Variants in CECR2 observed in about 807,000 individuals in gnomAD.
CECR2 encodes chromatin remodeling regulator CECR2.
CECR2 carries 30 observed loss-of-function variants against 154.5 expected under a neutral mutation model. The ratio of observed to expected loss-of-function variants is 0.19; its 90% CI spans 0.15 to 0.26. The LOEUF is 0.26. Among genes scored for constraint, CECR2 ranks in the 10% least tolerant of loss-of-function variants. The pLI is 1.00. For missense variants in CECR2, 1,743 were observed against 1,829.3 expected (o/e 0.95, Z 0.86); for synonymous variants, 725 against 683.7 (o/e 1.06, Z -0.94).
intron 16 of CECR2, among the ~76,000 whole-genome samples, chr22:17,544,243 A>T (rs2056575036): frequency 6.6e-6 from 1 of 152,274 alleles, no homozygotes; most frequent in East Asian, 1.9e-4. Context: ...TGACGCCTGT[A>T]ATCCCAGCAC....
intron 4 of CECR2, among the ~76,000 whole-genome samples, chr22:17,500,359 C>T (rs2055714706): frequency 6.6e-6 from 1 of 152,120 alleles, no homozygotes; most frequent in African/African-American, 2.4e-5. Flanking sequence ...CAAAACAATG[C>T]TAACCTCTTA....
At chr22:17,469,590 ATTGT>A (rs1301954851) in intron 1 of CECR2, among the ~76,000 whole-genome samples, 3 of 106,408 alleles carry the variant, frequency 2.8e-5, no homozygotes, top group African/African-American at 4.0e-5. Flanking sequence ...TGATGATAAC[ATTGT>A]TTTTTTTTTT....
chr22:17,551,982 G>T, intron 17 of CECR2, 49 bp from the exon 18 acceptor site: 1 of 1,566,230 alleles, frequency 6.4e-7, no homozygotes, highest in Non-Finnish European at 8.8e-7. Context: ...TTCTTCTGTC[G>T]TTAACACGTC....
At chr22:17,504,589 A>G (rs1052900867) in intron 6 of CECR2, among the ~76,000 whole-genome samples, 3 of 150,206 alleles carry the variant, frequency 2.0e-5, no homozygotes, top group African/African-American at 7.3e-5. Flanking sequence ...GGCGCCCGCC[A>G]CCGCGCCCGG....
chr22:17,468,026 A>G (rs2055063128), intron 1 of CECR2, among the ~76,000 whole-genome samples: 1 of 152,162 alleles, frequency 6.6e-6, no homozygotes, highest in Non-Finnish European at 1.5e-5. Flanking sequence ...GTAGAAGGAG[A>G]GGGCAGTCGT....
chr22:17,447,848 C>G (rs192637784), intron 1 of CECR2, among the ~76,000 whole-genome samples: 12 of 151,154 alleles, frequency 7.9e-5, no homozygotes, highest in Admixed American at 2.0e-4. Context: ...GATTAGTTCT[C>G]TAGCCATGGT....
At chr22:17,460,616 GTT>G (rs2054923158) in intron 1 of CECR2, among the ~76,000 whole-genome samples, 1 of 152,170 alleles carries the variant, frequency 6.6e-6, no homozygotes, top group Non-Finnish European at 1.5e-5. Context: ...TGCCCCATCA[GTT>G]TTCTCTTCCC....
chr22:17,512,217 G>C (rs1312186357), intron 8 of CECR2, among the ~76,000 whole-genome samples: 1 of 151,938 alleles, frequency 6.6e-6, no homozygotes, highest in Non-Finnish European at 1.5e-5. Context: ...AACGGAAGGA[G>C]AATTTGAGTA....
At chr22:17,398,973 C>T (rs960241707) in intron 1 of CECR2, among the ~76,000 whole-genome samples, 1 of 152,186 alleles carries the variant, frequency 6.6e-6, no homozygotes, top group African/African-American at 2.4e-5. Flanking sequence ...CTCAGACCAG[C>T]ATGGTGAGCA....
rs1569055331 is a variant in CECR2 at position 17,397,976 on chromosome 22, A to AG, written c.126+28067_126+28068insG. 3.9e-5 allele frequency among the ~76,000 whole-genome samples: 6 copies of AG among 152,134 alleles called. No individual in the cohort carries two copies. The East Asian group carries it at 5.8e-4, about 15-fold the overall frequency. Reference sequence around the variant, plus strand: ...TGTCAGTGGTCCTGTTGGATTGTTCATGCAACACTGTGTCTGTCGGCCTCT... The same window carrying AG: ...TGTCAGTGGTCCTGTTGGATTGTTCAGTGCAACACTGTGTCTGTCGGCCTCT... On this transcript the variant is annotated intron_variant, in intron 1 of 18. Coordinates refer to ENST00000262608, the MANE Select transcript of CECR2 (RefSeq NM_001290047.2).
intron 9 of CECR2, among the ~76,000 whole-genome samples, chr22:17,534,495 ATTACT>A (rs1315606712): frequency 6.6e-6 from 1 of 151,932 alleles, no homozygotes. Flanking sequence ...GACATATTTG[ATTACT>A]TTATTTATTT....
chr22:17,524,319 A>G (rs996241613), intron 9 of CECR2, 48 bp downstream of exon 9: 2 of 1,587,876 alleles, frequency 1.3e-6, no homozygotes, highest in Non-Finnish European at 1.7e-6. Context: ...TCTGTCGACC[A>G]GCCGTCCTGT....
At chr22:17,526,532 C>T (rs898193507) in intron 9 of CECR2, among the ~76,000 whole-genome samples, 4 of 152,098 alleles carry the variant, frequency 2.6e-5, no homozygotes, top group Admixed American at 6.6e-5. Context: ...TATCTAAGGC[C>T]GGGCGTGACG....
intron 1 of CECR2, among the ~76,000 whole-genome samples, chr22:17,411,686 A>G (rs1488946898): frequency 6.6e-6 from 1 of 152,220 alleles, no homozygotes; most frequent in African/African-American, 2.4e-5. Flanking sequence ...TCTTACATAA[A>G]TCTCAGAATT....
intron 18 of CECR2, among the ~76,000 whole-genome samples, chr22:17,552,478 G>C (rs1365480823): frequency 6.6e-6 from 1 of 152,126 alleles, no homozygotes; most frequent in African/African-American, 2.4e-5. Flanking sequence ...ACTAGTTGGT[G>C]GGTTTTAAAG....
chr22:17,361,201 G>A (rs566769472), intron 1 of CECR2, among the ~76,000 whole-genome samples: 19 of 151,562 alleles, frequency 1.3e-4, no homozygotes, highest in African/African-American at 4.4e-4. Context: ...CAAAACAAAA[G>A]AACAGGCCAG....
intron 1 of CECR2, among the ~76,000 whole-genome samples, chr22:17,447,359 T>TA: frequency 6.6e-6 from 1 of 152,156 alleles, no homozygotes; most frequent in East Asian, 1.9e-4. Flanking sequence ...TTCATCGTGT[T>TA]ATCCAGGATG....
chr22:17,499,020 C>T (rs1015181297), intron 3 of CECR2, among the ~76,000 whole-genome samples: 1 of 152,108 alleles, frequency 6.6e-6, no homozygotes, highest in African/African-American at 2.4e-5. Context: ...GACAGAGTCT[C>T]TCTCTGTCGC....
chr22:17,403,102 A>G (rs938589650), intron 1 of CECR2, among the ~76,000 whole-genome samples: 2 of 152,172 alleles, frequency 1.3e-5, no homozygotes, highest in African/African-American at 4.8e-5. Context: ...TCCACCTGAC[A>G]TCGCATGTCT....
Sources: allele counts gnomAD v4.1 joint callset (sites outside exome capture counted in the v4.1 genomes callset), GRCh38; gene constraint gnomAD v4.1.1; transcripts MANE v1.5; gene names NCBI Gene and HGNC (gene_info 2026-07-23, HGNC 2026-07-21).